C10orf71: variants seen among roughly 807,000 people sequenced by gnomAD.
C10orf71 encodes chromosome 10 open reading frame 71, also known as cardiac-enriched FHL2-interacting protein.
For synonymous variants in C10orf71, 758 were observed against 726.3 expected (o/e 1.04, Z -0.70); for missense variants, 1,869 against 1,804.5 (o/e 1.04, Z -0.65).
At position 49,324,472 on chromosome 10, in the gene C10orf71, A is replaced by G. The variant is rs1849175914; in HGVS notation, c.1927A>G (p.Lys643Glu). ...CPDSREHRPRKHLSLRLCNRD... is the reference protein window; with the variant it reads ...CPDSREHRPREHLSLRLCNRD... ...AGACTCCAGGGAACACCGCCCCAGG[A>G]AACACCTCTCCCTGAGGCTTTGCAA... Residue 643 changes from lysine to glutamate, a missense_variant, in exon 3 of 3, where the codon AAA becomes GAA. Physicochemically the swap from Lys to Glu is moderately conservative, Grantham distance 56 (BLOSUM62 1). Transcript: ENST00000374144. 1.2e-6 allele frequency: 2 copies of G among 1,608,502 alleles called. No individual in the cohort carries two copies. Among genetic ancestry groups the G allele is most frequent in the Non-Finnish European group, 1.7e-6 (2 of 1,177,136 alleles).
chr10:49,322,436 T>TGGTCAATGAGAGGCTCTA lies in C10orf71; in HGVS notation c.-108_-91dup. 7.5e-7 allele frequency: 1 copy of TGGTCAATGAGAGGCTCTA among 1,338,306 alleles called. No homozygotes were observed. The highest frequency in any genetic ancestry group is 9.9e-7 in the Non-Finnish European group (1 of 1,007,964). The allele number at this position is 1,338,306 out of a possible 1,614,324, so 82.9% of individuals were successfully genotyped here. ...AAAATCCCCACTTTGCAATTGCATC[T>TGGTCAATGAGAGGCTCTA]GGTCAATGAGAGGCTCTAGTTTTGG... On this transcript the variant is annotated 5_prime_UTR_variant, in exon 3 of 3. The change creates a new upstream start codon in the 5' untranslated region. Transcript: ENST00000374144.
chr10:49,301,259 C>T (rs1007108613), intron 1 of C10orf71, among the ~76,000 whole-genome samples: 2 of 152,204 alleles, frequency 1.3e-5, no homozygotes, highest in African/African-American at 2.4e-5. Context: ...TGCTCCCCAA[C>T]AGGGTCCATC....
In C10orf71 at chr10:49,324,118, G is replaced by T. The variant is rs778888907; in HGVS notation, c.1573G>T (p.Glu525Ter). The change falls in exon 3 of 3, where the codon GAG becomes TAG. Residue 525 changes from glutamate to a stop codon, truncating the protein, a stop_gained. Transcript: ENST00000374144. LOFTEE classifies it low-confidence loss of function (END_TRUNC). The stretch of plus-strand genomic sequence containing the variant: ...CTCACCTCTCTTGAAAGTGCTTGAT[G>T]AGAAAACTAGAGGTAAGGTTGATGG... ...SSSPLLKVLD[E>*]KTRGKVDGKQ... The T allele has an allele frequency of 6.2e-7, 1 of 1,613,992 alleles. No homozygotes were observed. Among genetic ancestry groups the T allele is most frequent in the Admixed American group, 1.7e-5 (1 of 60,026 alleles).
chr10:49,297,909 A>G (rs1464126759), upstream of C10orf71, among the ~76,000 whole-genome samples: 1 of 152,188 alleles, frequency 6.6e-6, no homozygotes, highest in African/African-American at 2.4e-5. Flanking sequence ...GCAGCAAGTA[A>G]TCATCCCCAC....
chr10:49,320,552 C>A (rs910091772), intron 2 of C10orf71, among the ~76,000 whole-genome samples: 1 of 152,192 alleles, frequency 6.6e-6, no homozygotes, highest in Admixed American at 6.5e-5. Context: ...ACTTAATCTT[C>A]GATCATGCTT....
chr10:49,311,360 G>A (rs1848910810), intron 1 of C10orf71, among the ~76,000 whole-genome samples: 1 of 152,226 alleles, frequency 6.6e-6, no homozygotes, highest in African/African-American at 2.4e-5. Context: ...TGGACTGCAT[G>A]ACCTTCTCAG....
chr10:49,323,220 A>G lies in C10orf71; in HGVS notation c.675A>G (p.Pro225=). 6.2e-7 allele frequency: 1 copy of G among 1,614,026 alleles called. No homozygotes were observed. The highest frequency in any genetic ancestry group is 8.5e-7 in the Non-Finnish European group (1 of 1,179,898). The change falls in exon 3 of 3, where the codon CCA becomes CCG. Residue 225 remains proline (P), a synonymous_variant. Transcript: ENST00000374144. ...GAGAACAGGAGTCCTCCAAGAATCC[A>G]GAAATGGCCTGTCACGGCTCCAGCA... ...KHGEQESSKN[P]EMACHGSSSF...
rs1442404378 is a variant in C10orf71, at chr10:49,325,895, T to G, written c.3350T>G (p.Leu1117Arg). ...VTRREDLTHA[L>R]VWEGGSDPLL... ...CGGAGGGAGGACCTGACCCACGCCC[T>G]CGTGTGGGAGGGCGGCTCTGACCCC... The change falls in exon 3 of 3, where the codon CTC (leucine) becomes CGC (arginine). Residue 1117 changes from leucine to arginine, a missense_variant. By Grantham distance (102) the Leu-to-Arg change is moderately radical. Transcript: ENST00000374144. 1.3e-6 allele frequency: 2 copies of G among 1,549,886 alleles called. No individual in the cohort carries two copies. The highest frequency in any genetic ancestry group is 1.7e-6 in the Non-Finnish European group (2 of 1,145,776).
At chr10:49,317,243 C>T (rs1849014018) in intron 2 of C10orf71, among the ~76,000 whole-genome samples, 1 of 152,122 alleles carries the variant, frequency 6.6e-6, no homozygotes, top group Non-Finnish European at 1.5e-5. Context: ...CCACACCAGC[C>T]TCAATAACAT....
At chr10:49,306,408 G>A (rs560812845) in intron 1 of C10orf71, among the ~76,000 whole-genome samples, 1 of 152,354 alleles carries the variant, frequency 6.6e-6, no homozygotes, top group East Asian at 1.9e-4. Context: ...CAGCACTTTA[G>A]AGCTGGGTCT....
rs772395613 is a variant in C10orf71 at position 49,324,464 on chromosome 10, G to A, written c.1919G>A (p.Arg640His). The A allele has an allele frequency of 4.4e-6, 7 of 1,606,908 alleles. No homozygotes were observed. The highest frequency in any genetic ancestry group is 2.2e-5 in the East Asian group (1 of 44,658). ...SSWCPDSREH[R>H]PRKHLSLRLC... is the part of the protein sequence containing the mutation. ...TGGTGTCCAGACTCCAGGGAACACCGCCCCAGGAAACACCTCTCCCTGAGG... is the reference window on the plus strand; with the variant it reads ...TGGTGTCCAGACTCCAGGGAACACCACCCCAGGAAACACCTCTCCCTGAGG... The change falls in exon 3 of 3, where the codon CGC (arginine) becomes CAC (histidine). Residue 640 changes from arginine to histidine, a missense_variant. Physicochemically the swap from Arg to His is conservative, Grantham distance 29. Coordinates refer to ENST00000374144, the MANE Select transcript of C10orf71 (RefSeq NM_001135196.2).
chr10:49,297,754 T>C (rs1848661253), upstream of C10orf71, among the ~76,000 whole-genome samples: 1 of 152,224 alleles, frequency 6.6e-6, no homozygotes, highest in Admixed American at 6.5e-5. Context: ...GTGTACTTTT[T>C]AAATGTTGGC....
At chr10:49,315,122 C>G (rs1564686669) in intron 1 of C10orf71, among the ~76,000 whole-genome samples, 1 of 152,178 alleles carries the variant, frequency 6.6e-6, no homozygotes, top group African/African-American at 2.4e-5. Flanking sequence ...CCTGGGGAGT[C>G]AGGGATGGGG....
chr10:49,319,381 G>C (rs1311278219), intron 2 of C10orf71, among the ~76,000 whole-genome samples: 1 of 151,418 alleles, frequency 6.6e-6, no homozygotes, highest in Non-Finnish European at 1.5e-5. Flanking sequence ...GTGTTGCAAG[G>C]ATGTGGAGAA....
Position 49,325,656 on chromosome 10 carries a change from C to A in C10orf71, c.3111C>A (p.Ser1037=), listed in dbSNP as rs1237668705. ...CAGGTTTCAAGAGTCACTTTTTGTC[C>A]ACACCCAGAGCAGGGCCCCCTGGCA... ...QTPGFKSHFL[S]TPRAGPPGRR... is the part of the protein sequence containing the mutation. The change falls in exon 3 of 3, where the codon TCC becomes TCA. Residue 1037 remains serine (S), a synonymous_variant. Transcript: ENST00000374144. 5.2e-6 allele frequency: 8 copies of A among 1,552,000 alleles called. No homozygotes were observed. In the African/African-American group the frequency reaches 8.2e-5, roughly 16 times the overall value.
chr10:49,297,711 C>G (rs1323254508), upstream of C10orf71, among the ~76,000 whole-genome samples: 1 of 152,200 alleles, frequency 6.6e-6, no homozygotes, highest in Non-Finnish European at 1.5e-5. Context: ...TGTCAACTGA[C>G]CAGGAAATAA....
chr10:49,320,182 G>A (rs1590335841), intron 2 of C10orf71, among the ~76,000 whole-genome samples: 1 of 152,212 alleles, frequency 6.6e-6, no homozygotes, highest in Admixed American at 6.5e-5. Flanking sequence ...AGGTAACAGA[G>A]AATTAGGGAG....
intron 1 of C10orf71, among the ~76,000 whole-genome samples, chr10:49,307,786 C>T (rs1848840473): frequency 6.6e-6 from 1 of 152,212 alleles, no homozygotes; most frequent in African/African-American, 2.4e-5. Context: ...CAGGAGGGGA[C>T]AGGTTTGTGG....
chr10:49,313,875 G>T (rs941961702), intron 1 of C10orf71, among the ~76,000 whole-genome samples: 1 of 152,188 alleles, frequency 6.6e-6, no homozygotes, highest in African/African-American at 2.4e-5. Flanking sequence ...CAGGCAAATG[G>T]CCTGGCCTGG....
Sources: gnomAD v4.1 joint callset for allele counts (sites outside exome capture counted in the v4.1 genomes callset) on GRCh38, gnomAD v4.1.1 for gene constraint, MANE v1.5 for transcripts, NCBI Gene and HGNC (gene_info 2026-07-23, HGNC 2026-07-21) for gene names.